EHMT1: variants seen among roughly 807,000 people sequenced by gnomAD.
EHMT1 encodes histone-lysine N-methyltransferase EHMT1.
A neutral mutation model predicts 147.2 loss-of-function variants in EHMT1; 15 were observed. That is an observed-to-expected ratio of 0.10 (90% CI 0.07 to 0.16). EHMT1 has a LOEUF of 0.16. Ranked by LOEUF, EHMT1 falls within the 10% of genes least tolerant of loss-of-function variation. The probability of loss-of-function intolerance (pLI) is 1.00; values close to 1 mark genes in which losing one functional copy is unlikely to be tolerated. For missense variants in EHMT1, 1,587 were observed against 1,772.4 expected (o/e 0.90, Z 1.88); for synonymous variants, 795 against 709.6 (o/e 1.12, Z -1.91).
chr9:137,645,131 C>CCGAA (rs1272413331), intron 1 of EHMT1, among the ~76,000 whole-genome samples: 1 of 152,340 alleles, frequency 6.6e-6, no homozygotes, highest in Admixed American at 6.5e-5. Context: ...CCTCGGCCTC[C>CCGAA]CGAAGTGCTG....
rs372514557 is a variant in EHMT1 at position 137,776,722 on chromosome 9, G to T, written c.1896G>T (p.Glu632Asp). The T allele has an allele frequency of 1.5e-5, 25 of 1,614,066 alleles. No homozygotes were observed. The highest frequency in any genetic ancestry group is 2.0e-5 in the Non-Finnish European group (24 of 1,180,016). The change falls in exon 12 of 27, where the codon GAG becomes GAT. Residue 632 changes from glutamate (E) to aspartate (D), a missense_variant. Around this residue, in one of 7 missense-constraint regions of EHMT1, gnomAD observed 124 missense variants for 197.8 expected, o/e 0.63. Coordinates refer to ENST00000460843, the MANE Select transcript of EHMT1 (RefSeq NM_024757.5). The surrounding 1 kb of genome is among the most constrained non-coding windows in gnomAD (Gnocchi z 4.4). The stretch of plus-strand genomic sequence containing the variant: ...CCAGCTATTGTCCCCACTGTGGGGA[G>T]GAGAGCTCCAAGGCCAAAGAGGTGA... Reference protein sequence around the residue: ...NNASYCPHCGEESSKAKEVTI... With the variant: ...NNASYCPHCGDESSKAKEVTI...
chr9:137,834,320 G>T, intron 25 of EHMT1, 29 bp from the exon 26 acceptor site: 1 of 1,608,676 alleles, frequency 6.2e-7, no homozygotes, highest in East Asian at 2.2e-5. Context: ...CTTGCTAACT[G>T]CAGCCCGTGC....
chr9:137,824,938 G>T (rs4556159), intron 25 of EHMT1, among the ~76,000 whole-genome samples: 104,723 of 152,050 alleles, frequency 0.69, 37,110 homozygotes, highest in East Asian at 0.9. Context: ...CGCGTTCTGA[G>T]CCGTGCAGCT....
At chr9:137,707,442 C>T (rs1944362552) in intron 1 of EHMT1, among the ~76,000 whole-genome samples, 1 of 152,186 alleles carries the variant, frequency 6.6e-6, no homozygotes, top group South Asian at 2.1e-4. Flanking sequence ...GCCCCCTTTT[C>T]CTTTCGCCTC....
intron 1 of EHMT1, among the ~76,000 whole-genome samples, chr9:137,688,738 A>G (rs961288057): frequency 6.6e-6 from 1 of 152,138 alleles, no homozygotes; most frequent in Admixed American, 6.5e-5. Flanking sequence ...ATTCTCATGC[A>G]CACGTTTGTA....
chr9:137,622,340 G>A (rs182948677), intron 1 of EHMT1, among the ~76,000 whole-genome samples: 4 of 151,900 alleles, frequency 2.6e-5, no homozygotes, highest in Non-Finnish European at 4.4e-5. Context: ...GGCTTGTCTC[G>A]AACTCCTGAC....
rs1954625628 is a variant in EHMT1, at chr9:137,813,113, G to A, written c.2975G>A (p.Ser992Asn). ...NSQVWSALQM[S>N]KALQDSAPDR... ...CAGGTGTGGAGCGCTCTGCAGATGAGCAAGGCTCTGCAGGACTCGGCCCCC... is the reference window on the plus strand; with the variant it reads ...CAGGTGTGGAGCGCTCTGCAGATGAACAAGGCTCTGCAGGACTCGGCCCCC... Residue 992 changes from serine to asparagine, a missense_variant, in exon 20 of 27, where the codon AGC (serine) becomes AAC (asparagine). Physicochemically the swap from Ser to Asn is conservative, Grantham distance 46. Around this residue, in one of 7 missense-constraint regions of EHMT1, gnomAD observed 78 missense variants for 68.9 expected, o/e 1.13. Transcript: ENST00000460843. The surrounding 1 kb of genome is among the most constrained non-coding windows in gnomAD (Gnocchi z 4.9). 1 of 1,613,172 alleles carries A rather than the reference G, an allele frequency of 6.2e-7. No individual in the cohort carries two copies. Among genetic ancestry groups the A allele is most frequent in the South Asian group, 1.1e-5 (1 of 91,084 alleles).
At position 137,787,655 on chromosome 9, in the gene EHMT1, C is replaced by CT. The variant is rs1292312268; in HGVS notation, c.2383-3191dup. 1 of 608,978 alleles carries CT rather than the reference C, an allele frequency of 1.6e-6. No individual in the cohort carries two copies. The highest frequency in any genetic ancestry group is 2.9e-6 in the Non-Finnish European group (1 of 344,160). 37.7% of individuals were successfully genotyped at this position (608,978 alleles called of 1,614,324 possible). ...GAAGCGGGAGGGAGGAGGGGCCTGT[C>CT]TTAAGAGCCTCACAGGCTGCACCGG... is the stretch of plus-strand genomic sequence containing the variant. On this transcript the variant is annotated intron_variant, in intron 15 of 26. Transcript: ENST00000460843. The surrounding 1 kb of genome is among the most constrained non-coding windows in gnomAD (Gnocchi z 4.2).
chr9:137,628,248 T>C (rs1015991975), intron 1 of EHMT1, among the ~76,000 whole-genome samples: 2 of 152,200 alleles, frequency 1.3e-5, no homozygotes, highest in African/African-American at 2.4e-5. Context: ...TCCTCTACTC[T>C]GTGGGATAGG....
At chr9:137,800,830 G>C in intron 17 of EHMT1, 50 bp from the exon 18 acceptor site, 1 of 1,559,402 alleles carries the variant, frequency 6.4e-7, no homozygotes, top group Non-Finnish European at 8.8e-7. Flanking sequence ...CATTGCTCTG[G>C]TGGTTGCCGG....
rs147042064 is a variant in EHMT1 at position 137,826,186 on chromosome 9, G to A, written c.3540+8048G>A. ...GGCGGTGTGTTCCTGTTTCTGTGCC[G>A]TCTCCTTGCTGCCATATCTCCTGCC... is the stretch of plus-strand genomic sequence containing the variant. On this transcript the variant is annotated intron_variant, in intron 25 of 26. Coordinates refer to ENST00000460843, the MANE Select transcript of EHMT1 (RefSeq NM_024757.5). Among the ~76,000 whole-genome samples the A allele has an allele frequency of 6.6e-3, 1,010 of 152,208 alleles. 10 individuals carry two copies. The highest frequency in any genetic ancestry group is 0.041 in the Middle Eastern group (12 of 294).
intron 2 of EHMT1, among the ~76,000 whole-genome samples, chr9:137,713,020 T>G (rs1457616289): frequency 1.3e-5 from 2 of 152,194 alleles, no homozygotes; most frequent in Non-Finnish European, 2.9e-5. Context: ...CCAGCAACAT[T>G]TATGAAAAAG....
At chr9:137,659,593 C>T (rs1938858602) in intron 1 of EHMT1, among the ~76,000 whole-genome samples, 1 of 151,162 alleles carries the variant, frequency 6.6e-6, no homozygotes, top group Non-Finnish European at 1.5e-5. Context: ...TCTCTGTTGC[C>T]CAGGCTGGAG....
At chr9:137,743,235 A>T in intron 4 of EHMT1, 136 bp from the exon 5 acceptor site, 1 of 1,021,034 alleles carries the variant, frequency 9.8e-7, no homozygotes, top group Non-Finnish European at 1.4e-6. Flanking sequence ...ACCTGCGGGC[A>T]GTGGGCCTGT....
intron 15 of EHMT1, chr9:137,784,303 C>T: frequency 3.5e-6 from 5 of 1,422,304 alleles, no homozygotes; most frequent in Non-Finnish European, 3.7e-6. Context: ...GGCGTGGCTC[C>T]ATCTTCACAG....
At chr9:137,818,024 C>A (rs771915224) in intron 24 of EHMT1, 36 bp from the exon 25 acceptor site, 1 of 1,610,038 alleles carries the variant, frequency 6.2e-7, no homozygotes, top group Non-Finnish European at 8.5e-7. Flanking sequence ...GTGCTCGCTG[C>A]CTTCCAGGGC....
In EHMT1 at chr9:137,732,562, A is replaced by G. The variant is rs78652111; in HGVS notation, c.823+4033A>G. On this transcript the variant is annotated intron_variant, in intron 4 of 26. Transcript: ENST00000460843. The surrounding 1 kb of genome is among the most constrained non-coding windows in gnomAD (Gnocchi z 4.6). Reference sequence around the variant, plus strand: ...TGTGGGCTCAGAATGGAGGAAGTGCATGAAGTGCATGCTGATTGGTCCATG... The same window carrying G: ...TGTGGGCTCAGAATGGAGGAAGTGCGTGAAGTGCATGCTGATTGGTCCATG... 4.6e-3 allele frequency among the ~76,000 whole-genome samples: 694 copies of G among 152,318 alleles called. 5 individuals are homozygous for G. Among genetic ancestry groups the G allele is most frequent in the Non-Finnish European group, 7.0e-3 (475 of 68,032 alleles).
chr9:137,821,365 T>C (rs1341207681), intron 25 of EHMT1, among the ~76,000 whole-genome samples: 3 of 145,610 alleles, frequency 2.1e-5, no homozygotes, highest in Non-Finnish European at 4.5e-5. Flanking sequence ...TCTTGCTGTG[T>C]TGCCCAGGCT....
chr9:137,769,327 T>G (rs540125549), intron 10 of EHMT1, among the ~76,000 whole-genome samples: 175 of 152,358 alleles, frequency 1.1e-3, no homozygotes, highest in Non-Finnish European at 2.0e-3. Flanking sequence ...TATCCAGAGA[T>G]CTTTATTCCT....
Sources: allele counts gnomAD v4.1 joint callset (sites outside exome capture counted in the v4.1 genomes callset), GRCh38; gene constraint gnomAD v4.1.1; regional missense constraint gnomAD v4.1.1; non-coding constraint Gnocchi (gnomAD v3.1); transcripts MANE v1.5; gene names NCBI Gene and HGNC (gene_info 2026-07-23, HGNC 2026-07-21).